The following ANK1 variants were observed in gnomAD, a reference collection of about 807,000 sequenced individuals.
The protein encoded by ANK1 is ankyrin-1.
Under a neutral mutation model 210.4 loss-of-function variants are expected in ANK1, and 51 were observed. The observed-to-expected ratio is 0.24, with a 90% CI of 0.19 to 0.31. ANK1 has a LOEUF of 0.31. Among genes scored for constraint, ANK1 ranks in the 10% least tolerant of loss-of-function variants. The pLI is 1.00. For missense variants in ANK1, 2,051 were observed against 2,504.4 expected (o/e 0.82, Z 3.86); for synonymous variants, 967 against 1,025.9 (o/e 0.94, Z 1.10).
At chr8:41,827,131 T>C (rs1275206697) in intron 1 of ANK1, among the ~76,000 whole-genome samples, 1 of 152,226 alleles carries the variant, frequency 6.6e-6, no homozygotes, top group African/African-American at 2.4e-5. Context: ...TATTTGCTGA[T>C]TTTCAGATTG....
At chr8:41,722,226 A>G (rs1298574499) in intron 9 of ANK1, among the ~76,000 whole-genome samples, 1 of 152,234 alleles carries the variant, frequency 6.6e-6, no homozygotes, top group Middle Eastern at 3.2e-3. Flanking sequence ...AAACTGCTTT[A>G]GTAGAGGACA....
At chr8:41,737,204 T>C (rs1375575182) in intron 2 of ANK1, among the ~76,000 whole-genome samples, 3 of 151,886 alleles carry the variant, frequency 2.0e-5, no homozygotes, top group African/African-American at 7.3e-5. Flanking sequence ...GAGGCTGAGG[T>C]AGGAGAACAG....
At position 41,725,858 on chromosome 8, in the gene ANK1, A is replaced by G. The variant is rs761694003; in HGVS notation, c.515T>C (p.Val172Ala). 6.8e-6 allele frequency: 11 copies of G among 1,612,134 alleles called. No homozygotes were observed. Residue 172 changes from valine (V) to alanine (A), a missense_variant, in exon 6 of 43, where the codon GTG (valine) becomes GCG (alanine). Physicochemically the swap from Val to Ala is moderately conservative, Grantham distance 64 (BLOSUM62 0). This residue lies in a region of ANK1 where 1,413 missense variants were observed against 1,707.4 expected (regional missense o/e 0.83). Coordinates refer to ENST00000289734, the MANE Select transcript of ANK1 (RefSeq NM_000037.4). ...CGCGATGTGCAGGGCCGGGAGGCGC[A>G]CCTTCCCCTTGGTGCCGTAGTTGAT... ...HLINYGTKGKVRLPALHIAAR... is the reference protein window; with the variant it reads ...HLINYGTKGKARLPALHIAAR...
chr8:41,741,589 A>C (rs1834814413), intron 2 of ANK1, among the ~76,000 whole-genome samples: 1 of 151,558 alleles, frequency 6.6e-6, no homozygotes, highest in African/African-American at 2.4e-5. Context: ...GAAAAAAAAA[A>C]AAAAGATTTT....
chr8:41,742,997 C>T (rs1312758962), intron 2 of ANK1, among the ~76,000 whole-genome samples: 2 of 152,166 alleles, frequency 1.3e-5, no homozygotes, highest in Non-Finnish European at 2.9e-5. Flanking sequence ...TTATTATAAA[C>T]AAGCAAGTGC....
intron 1 of ANK1, among the ~76,000 whole-genome samples, chr8:41,814,321 C>G (rs1409368375): frequency 5.3e-5 from 8 of 149,622 alleles, no homozygotes; most frequent in African/African-American, 2.0e-4. Context: ...GATTGTGCCA[C>G]TGCACTCCAG....
In ANK1 at chr8:41,688,570, C is replaced by T; in HGVS notation, c.4124G>A (p.Arg1375Lys). 6.2e-7 allele frequency: 1 copy of T among 1,614,182 alleles called. No individual in the cohort carries two copies. Among genetic ancestry groups the T allele is most frequent in the South Asian group, 1.1e-5 (1 of 91,058 alleles). The change falls in exon 34 of 43, where the codon AGG becomes AAG. Residue 1375 changes from arginine (R) to lysine (K), a missense_variant. By Grantham distance (26) the Arg-to-Lys change is conservative. Coordinates refer to ENST00000289734, the MANE Select transcript of ANK1 (RefSeq NM_000037.4). The part of the protein sequence containing the change: ...PCAKGSGAED[R>K]RRTPTPLALR... ...GGCCAGGGGCGTCGGGGTCCTTCTC[C>T]TATCTTCGGCTCCACTTCCCTGCAG...
chr8:41,711,177 T>C (rs1407833656), intron 16 of ANK1, among the ~76,000 whole-genome samples: 1 of 152,206 alleles, frequency 6.6e-6, no homozygotes, highest in Non-Finnish European at 1.5e-5. Flanking sequence ...CAGCCTGAGA[T>C]GCAGGGTCGG....
intron 41 of ANK1, 150 bp downstream of exon 41, chr8:41,661,726 G>T: frequency 6.2e-7 from 1 of 1,601,416 alleles, no homozygotes; most frequent in Non-Finnish European, 8.5e-7. Flanking sequence ...GGAGGGAGGT[G>T]TCATGCAGAC....
chr8:41,671,258 A>T (rs1035309838), intron 38 of ANK1, among the ~76,000 whole-genome samples: 10 of 152,140 alleles, frequency 6.6e-5, no homozygotes, highest in Admixed American at 4.6e-4. Context: ...TAAGCCCACC[A>T]GCCCCTCCTT....
intron 1 of ANK1, among the ~76,000 whole-genome samples, chr8:41,759,214 A>T (rs1839886764): frequency 6.6e-6 from 1 of 152,346 alleles, no homozygotes; most frequent in African/African-American, 2.4e-5. Context: ...ATAAAAAGTA[A>T]TACTAACAGA....
At position 41,724,463 on chromosome 8, in the gene ANK1, G is replaced by A. The variant is rs778503475; in HGVS notation, c.704C>T (p.Thr235Ile). 3.4e-5 allele frequency: 53 copies of A among 1,581,692 alleles called. No homozygotes were observed. The highest frequency in any genetic ancestry group is 4.5e-5 in the Non-Finnish European group (52 of 1,163,710). ...LLNRGASVNF[T>I]PQNGITPLHI... The stretch of plus-strand genomic sequence containing the variant: ...CACGTGCCCCAGGGTTACCTGTGGT[G>A]TGAAATTGACGCTGGCTCCTCTGTT... The change falls in exon 7 of 43, where the codon ACA becomes ATA. Residue 235 changes from threonine (T) to isoleucine (I), a missense_variant. Thr to Ile is a moderately conservative substitution (Grantham distance 89, BLOSUM62 -1). Around this residue, in one of 6 missense-constraint regions of ANK1, gnomAD observed 1,413 missense variants for 1,707.4 expected, o/e 0.83. Transcript: ENST00000289734.
At chr8:41,747,155 G>A (rs760910835) in intron 2 of ANK1, among the ~76,000 whole-genome samples, 36 of 152,162 alleles carry the variant, frequency 2.4e-4, no homozygotes, top group African/African-American at 4.8e-5. Context: ...TTCGCAGAAC[G>A]TAAGGGAGTT....
intron 9 of ANK1, among the ~76,000 whole-genome samples, chr8:41,721,862 C>A (rs1829368381): frequency 6.6e-6 from 1 of 152,122 alleles, no homozygotes; most frequent in Admixed American, 6.5e-5. Context: ...ATTGAAAAGT[C>A]ACATATTCTC....
chr8:41,832,098 G>A (rs919050289), intron 1 of ANK1, among the ~76,000 whole-genome samples: 2 of 152,188 alleles, frequency 1.3e-5, no homozygotes, highest in East Asian at 3.8e-4. Context: ...CCATAGTGAT[G>A]ATACATGACT....
chr8:41,821,644 T>C (rs935670279), intron 1 of ANK1, among the ~76,000 whole-genome samples: 1 of 152,206 alleles, frequency 6.6e-6, no homozygotes, highest in Admixed American at 6.5e-5. Flanking sequence ...GAACCCATGC[T>C]AGCTGCCAGG....
chr8:41,832,942 G>A (rs1372696700), intron 1 of ANK1, among the ~76,000 whole-genome samples: 1 of 152,150 alleles, frequency 6.6e-6, no homozygotes, highest in Non-Finnish European at 1.5e-5. Context: ...CATCTCCTGG[G>A]AATTAGAGAA....
At position 41,703,470 on chromosome 8, in the gene ANK1, A is replaced by G. The variant is rs187064701; in HGVS notation, c.2295+571T>C. On this transcript the variant is annotated intron_variant, in intron 20 of 42. Coordinates refer to ENST00000289734, the MANE Select transcript of ANK1 (RefSeq NM_000037.4). ...TATATATTTTTTTTTTTTTTTTAAGACACAAGGTCTTGCTCTGTCTTCCAG... is the reference window on the plus strand; with the variant it reads ...TATATATTTTTTTTTTTTTTTTAAGGCACAAGGTCTTGCTCTGTCTTCCAG... Among the ~76,000 whole-genome samples, 27 of 73,074 alleles carry G rather than the reference A, an allele frequency of 3.7e-4. No homozygotes were observed. In the East Asian group the frequency reaches 8.0e-3, roughly 22 times the overall value. 47.9% of individuals were successfully genotyped at this position (73,074 alleles called of 152,430 possible).
chr8:41,869,677 C>T (rs10101217), intron 1 of ANK1, among the ~76,000 whole-genome samples: 19,086 of 152,174 alleles, frequency 0.13, 2,071 homozygotes, highest in African/African-American at 0.28. Flanking sequence ...AGGAAAAGCA[C>T]ACTGTGAGAA....
Sources: allele counts gnomAD v4.1 joint callset (sites outside exome capture counted in the v4.1 genomes callset), GRCh38; gene constraint gnomAD v4.1.1; regional missense constraint gnomAD v4.1.1; transcripts MANE v1.5; gene names NCBI Gene and HGNC (gene_info 2026-07-23, HGNC 2026-07-21).